The following APOLD1 variants were observed in gnomAD, a reference collection of about 807,000 sequenced individuals.
The protein encoded by APOLD1 is apolipoprotein L domain-containing protein 1.
Under a neutral mutation model 15.3 loss-of-function variants are expected in APOLD1, and 22 were observed. That is an observed-to-expected ratio of 1.44 (90% CI 1.03 to 2.05). The LOEUF is 2.05. Ranked by LOEUF, APOLD1 falls within the 30% of genes most tolerant of loss-of-function variation. The pLI, the probability that APOLD1 is intolerant of heterozygous loss-of-function variation, is 0.00. For missense variants in APOLD1, 394 were observed against 353.5 expected (o/e 1.11, Z -0.92); for synonymous variants, 190 against 167.4 (o/e 1.13, Z -1.04).
chr12:12,728,733 C>T (rs943522970), intron 1 of APOLD1, among the ~76,000 whole-genome samples: 1 of 148,964 alleles, frequency 6.7e-6, no homozygotes, highest in African/African-American at 2.5e-5. Context: ...TTGGAAACTC[C>T]AATATGTTAG....
chr12:12,781,429 T>C (rs1350757579), upstream of APOLD1, among the ~76,000 whole-genome samples: 2 of 151,514 alleles, frequency 1.3e-5, no homozygotes, highest in African/African-American at 4.8e-5. Context: ...AGAGCGAAAC[T>C]CCGTCTCAAA....
Position 12,789,743 on chromosome 12 carries a change from A to G in APOLD1, c.*2091A>G, listed in dbSNP as rs892971885. 2.6e-5 allele frequency: 4 copies of G among 152,256 alleles called. No individual in the cohort carries two copies. Among genetic ancestry groups the G allele is most frequent in the African/African-American group, 9.6e-5 (4 of 41,470 alleles). 9.4% of individuals were successfully genotyped at this position (152,256 alleles called of 1,614,324 possible). A position where few individuals can be genotyped will look rare whatever the true frequency, so the allele number is the denominator to read the frequency against. On this transcript the variant is annotated 3_prime_UTR_variant, in exon 2 of 2. Transcript: ENST00000356591. ...AGTTGAAAAGTCTTTGGGACCATACATGCAAAAACGGTGCCTCTGTTACTT... is the reference window on the plus strand; with the variant it reads ...AGTTGAAAAGTCTTTGGGACCATACGTGCAAAAACGGTGCCTCTGTTACTT...
intron 1 of APOLD1, among the ~76,000 whole-genome samples, chr12:12,761,360 T>A (rs11055052): frequency 0.25 from 38,225 of 152,084 alleles, 5,673 homozygotes; most frequent in African/African-American, 0.4. Flanking sequence ...CTAAACATGC[T>A]TATTTGACTA....
At position 12,791,309 on chromosome 12, in the gene APOLD1, C is replaced by T. The variant is rs1430223555; in HGVS notation, c.*3657C>T. The T allele has an allele frequency of 6.6e-6, 1 of 152,160 alleles. No individual in the cohort carries two copies. The highest frequency in any genetic ancestry group is 1.5e-5 in the Non-Finnish European group (1 of 68,032). The allele number at this position is 152,160 out of a possible 1,614,324, so 9.4% of individuals were successfully genotyped here. A position where few individuals can be genotyped will look rare whatever the true frequency, so the allele number is the denominator to read the frequency against. On this transcript the variant is annotated 3_prime_UTR_variant, in exon 2 of 2. Coordinates refer to ENST00000356591, the MANE Select transcript of APOLD1 (RefSeq NM_030817.3). Reference sequence around the variant, plus strand: ...CAATCAGCCAACGTGGTGTATTTCTCATTCAATATTTTAGTGTGAATTGAG... The same window carrying T: ...CAATCAGCCAACGTGGTGTATTTCTTATTCAATATTTTAGTGTGAATTGAG...
Position 12,761,830 on chromosome 12 carries a change from T to G in APOLD1, c.97-25079T>G, listed in dbSNP as rs867901726. ...GAACATATACATATATGTATATGTA[T>G]AGAGAGAGAGAGAGAGAGAGAGAGA... On this transcript the variant is annotated intron_variant, in intron 1 of 1. Transcript: ENST00000326765. Among the ~76,000 whole-genome samples the G allele has an allele frequency of 1.2e-3, 139 of 114,638 alleles. 2 individuals carry two copies. Among genetic ancestry groups the G allele is most frequent in the Middle Eastern group, 9.9e-3 (2 of 202 alleles). The allele number at this position is 114,638 out of a possible 152,430, so 75.2% of individuals were successfully genotyped here.
intron 1 of APOLD1, among the ~76,000 whole-genome samples, chr12:12,734,800 T>C (rs922281152): frequency 3.3e-5 from 5 of 152,232 alleles, no homozygotes; most frequent in African/African-American, 1.2e-4. Context: ...TATTGCTGCA[T>C]TGTCGCGTGC....
At chr12:12,738,202 CTT>C (rs71436733) in intron 1 of APOLD1, among the ~76,000 whole-genome samples, 6 of 117,546 alleles carry the variant, frequency 5.1e-5, no homozygotes, top group Non-Finnish European at 6.7e-5. Flanking sequence ...CAAGCAAGTC[CTT>C]TTTTTTTTTT....
Position 12,787,287 on chromosome 12 carries a change from C to T in APOLD1, c.382C>T (p.Gln128Ter). 2 of 1,606,986 alleles carry T rather than the reference C, an allele frequency of 1.2e-6. No homozygotes were observed. Among genetic ancestry groups the T allele is most frequent in the South Asian group, 1.1e-5 (1 of 90,474 alleles). Residue 128 changes from glutamine to a stop codon, truncating the protein, a stop_gained, in exon 2 of 2, where the codon CAG becomes TAG. Transcript: ENST00000356591. LOFTEE classifies it high-confidence loss of function. The surrounding 1 kb of genome is among the most constrained non-coding windows in gnomAD (Gnocchi z 4.9). Reference protein sequence around the residue: ...RRVQEIAATCQDQMREILSCL... With the variant: ...RRVQEIAATC ...GGTGCAGGAGATCGCGGCCACCTGC[C>T]AGGACCAGATGCGAGAGATCCTGAG...
At chr12:12,738,041 G>A (rs573418766) in intron 1 of APOLD1, among the ~76,000 whole-genome samples, 1 of 152,102 alleles carries the variant, frequency 6.6e-6, no homozygotes, top group East Asian at 1.9e-4. Context: ...CTTTCTATGA[G>A]AAAAACATTG....
rs60918835 is a variant in APOLD1, at chr12:12,753,771, G to T, written c.96+27675G>T. Among the ~76,000 whole-genome samples, 841 of 152,098 alleles carry T rather than the reference G, an allele frequency of 5.5e-3. 6 individuals carry two copies. Among genetic ancestry groups the T allele is most frequent in the African/African-American group, 0.019 (805 of 41,480 alleles). On this transcript the variant is annotated intron_variant, in intron 1 of 1. Coordinates refer to the APOLD1 transcript ENST00000326765. ...TAATCTCAGGCTTAGTTTCTGAGAT[G>T]GAAAGAAACTACAAAGTCCCTACAA...
intron 1 of APOLD1, among the ~76,000 whole-genome samples, chr12:12,742,976 T>C (rs1461451909): frequency 6.6e-6 from 1 of 152,258 alleles, no homozygotes; most frequent in Non-Finnish European, 1.5e-5. Context: ...GGTCTCAAAC[T>C]CTTGGGCTCA....
intron 1 of APOLD1, 119 bp from the exon 2 acceptor site, chr12:12,786,790 G>A (rs1192821925): frequency 8.4e-6 from 11 of 1,302,956 alleles, no homozygotes; most frequent in Admixed American, 4.2e-5. Context: ...CGTTCCCCTA[G>A]CGTGGCAGTG....
At chr12:12,735,157 T>G (rs1362344963) in intron 1 of APOLD1, among the ~76,000 whole-genome samples, 2 of 152,132 alleles carry the variant, frequency 1.3e-5, no homozygotes, top group Non-Finnish European at 2.9e-5. Flanking sequence ...CTCGGGAGTT[T>G]GAGGTGGAAG....
intron 1 of APOLD1, among the ~76,000 whole-genome samples, chr12:12,777,892 T>TTG (rs1947048223): frequency 5.4e-4 from 3 of 5,544 alleles, no homozygotes; most frequent in African/African-American, 1.0e-3. Flanking sequence ...GAAAGGTGTT[T>TTG]TTTTTTTTTT....
intron 1 of APOLD1, among the ~76,000 whole-genome samples, chr12:12,773,673 C>A (rs555555447): frequency 3.3e-5 from 5 of 152,232 alleles, no homozygotes; most frequent in East Asian, 3.9e-4. Flanking sequence ...AATCAATGAA[C>A]CTCTTCCCGA....
In APOLD1 at chr12:12,790,549, T is replaced by A. The variant is rs1947177093; in HGVS notation, c.*2897T>A. On this transcript the variant is annotated 3_prime_UTR_variant, in exon 2 of 2. Transcript: ENST00000356591. ...AGCAACAGTAACAGCAGCAGCAAAC[T>A]TTTCCTCTCATATTTTGGGTGTATC... is the stretch of plus-strand genomic sequence containing the variant. 1 of 152,068 alleles carries A rather than the reference T, an allele frequency of 6.6e-6. No individual in the cohort carries two copies. Among genetic ancestry groups the A allele is most frequent in the Admixed American group, 6.6e-5 (1 of 15,266 alleles). 9.4% of individuals were successfully genotyped at this position (152,068 alleles called of 1,614,324 possible).
At chr12:12,775,907 G>A (rs1264980489) in intron 1 of APOLD1, among the ~76,000 whole-genome samples, 1 of 149,794 alleles carries the variant, frequency 6.7e-6, no homozygotes, top group Non-Finnish European at 1.5e-5. Context: ...AGGAGGCTGA[G>A]GTGAGAGGAT....
At chr12:12,729,711 A>G (rs1170337237) in intron 1 of APOLD1, among the ~76,000 whole-genome samples, 1 of 152,068 alleles carries the variant, frequency 6.6e-6, no homozygotes, top group Non-Finnish European at 1.5e-5. Context: ...AGCTCAGGCT[A>G]CAGTGAGCTA....
chr12:12,780,278 T>A (rs930382107), intron 1 of APOLD1, among the ~76,000 whole-genome samples: 4 of 151,088 alleles, frequency 2.6e-5, no homozygotes, highest in Non-Finnish European at 5.9e-5. Flanking sequence ...AATGTCTGGC[T>A]CTATTGCCCA....
Sources: gnomAD v4.1 joint callset for allele counts (sites outside exome capture counted in the v4.1 genomes callset) on GRCh38, gnomAD v4.1.1 for gene constraint, Gnocchi (gnomAD v3.1) non-coding constraint, MANE v1.5 for transcripts, NCBI Gene and HGNC (gene_info 2026-07-23, HGNC 2026-07-21) for gene names.